IQCM: variants seen among roughly 807,000 people sequenced by gnomAD.
IQCM encodes the protein IQ domain-containing protein M.
In IQCM, 45 loss-of-function variants were observed where a neutral mutation model predicts 57.6. That is an observed-to-expected ratio of 0.78 (90% CI 0.62 to 1.00). IQCM has a LOEUF of 1.00. Among genes scored for constraint, IQCM ranks in the 50% least tolerant of loss-of-function variants. IQCM has a pLI of 0.00. For synonymous variants in IQCM, 148 were observed against 158.9 expected, an observed-to-expected ratio of 0.93 and a Z score of 0.51; for missense variants, 468 against 511.6, an observed-to-expected ratio of 0.91 and a Z score of 0.82.
intron 13 of IQCM, among the ~76,000 whole-genome samples, chr4:149,385,081 C>T (rs1337559886): frequency 6.6e-6 from 1 of 151,952 alleles, no homozygotes; most frequent in East Asian, 1.9e-4. Context: ...TGCCATTTAT[C>T]CTAAAGGACT....
intron 12 of IQCM, among the ~76,000 whole-genome samples, chr4:149,546,968 T>C (rs1748505857): frequency 6.6e-6 from 1 of 152,130 alleles, no homozygotes; most frequent in South Asian, 2.1e-4. Flanking sequence ...AACATTTAAG[T>C]CTTTAATCCA....
chr4:149,697,157 T>A (rs1763402088), intron 5 of IQCM, among the ~76,000 whole-genome samples: 1 of 152,154 alleles, frequency 6.6e-6, no homozygotes, highest in Admixed American at 6.5e-5. Flanking sequence ...ATACATTATC[T>A]AACTTATGCC....
rs1553975358 is a variant in IQCM at position 149,481,696 on chromosome 4, G to GTTTTGTTTTTTTT, written c.1229-48152_1229-48140dup. Among the ~76,000 whole-genome samples, 21 of 33,600 alleles carry GTTTTGTTTTTTTT rather than the reference G, an allele frequency of 6.3e-4. 1 individual carries two copies. The highest frequency in any genetic ancestry group is 1.7e-3 in the African/African-American group (14 of 8,108). The allele number at this position is 33,600 out of a possible 152,430, so 22.0% of individuals were successfully genotyped here. Reference sequence around the variant, plus strand: ...GAAGTCATGTAATGTGATTCTTCCAGTTTTGTTTTTTTTTTTTTTTTTTTT... The same window carrying GTTTTGTTTTTTTT: ...GAAGTCATGTAATGTGATTCTTCCAGTTTTGTTTTTTTTTTTTGTTTTTTTTTTTTTTTTTTTT... On this transcript the variant is annotated intron_variant, in intron 12 of 13. Coordinates refer to ENST00000636793, the MANE Select transcript of IQCM (RefSeq NM_001363507.2).
At chr4:149,510,181 G>C (rs1744255630) in intron 12 of IQCM, among the ~76,000 whole-genome samples, 1 of 151,910 alleles carries the variant, frequency 6.6e-6, no homozygotes, top group Non-Finnish European at 1.5e-5. Flanking sequence ...CAATTTACTG[G>C]GTTAAAAAGC....
chr4:149,611,347 G>C (rs1461614237), intron 8 of IQCM, among the ~76,000 whole-genome samples: 1 of 152,024 alleles, frequency 6.6e-6, no homozygotes, highest in East Asian at 1.9e-4. Flanking sequence ...ATATCCAAAG[G>C]AAAGGAAATC....
At chr4:149,422,414 G>A (rs1406017770) in intron 13 of IQCM, among the ~76,000 whole-genome samples, 1 of 151,848 alleles carries the variant, frequency 6.6e-6, no homozygotes, top group Non-Finnish European at 1.5e-5. Context: ...AAAGCAATAG[G>A]GGGAGCGGGC....
At chr4:149,731,537 A>G (rs187483603) in intron 5 of IQCM, among the ~76,000 whole-genome samples, 1 of 152,200 alleles carries the variant, frequency 6.6e-6, no homozygotes, top group Non-Finnish European at 1.5e-5. Context: ...ACCCCATCCT[A>G]AGGATTTTTG....
At chr4:149,750,092 C>G (rs12640348) in intron 2 of IQCM, among the ~76,000 whole-genome samples, 128,986 of 152,242 alleles carry the variant, frequency 0.85, 54,845 homozygotes, top group East Asian at 0.99. Flanking sequence ...TGTATAACCT[C>G]TCATGAATTT....
chr4:149,541,633 C>T (rs1747861383), intron 12 of IQCM, among the ~76,000 whole-genome samples: 1 of 151,968 alleles, frequency 6.6e-6, no homozygotes, highest in African/African-American at 2.4e-5. Context: ...TTCATGTTTG[C>T]ATATTCTGCA....
At chr4:149,722,451 T>C (rs983525055) in intron 5 of IQCM, among the ~76,000 whole-genome samples, 3 of 152,012 alleles carry the variant, frequency 2.0e-5, no homozygotes, top group East Asian at 1.9e-4. Context: ...CTTTAATCTA[T>C]CTTAATTTTT....
chr4:149,717,713 G>A (rs1765118407), intron 5 of IQCM, among the ~76,000 whole-genome samples: 1 of 152,158 alleles, frequency 6.6e-6, no homozygotes, highest in Admixed American at 6.5e-5. Flanking sequence ...CTTACACAGA[G>A]TATGGCAAAA....
chr4:149,526,473 GTTC>G (rs1248669715), intron 12 of IQCM, among the ~76,000 whole-genome samples: 2 of 151,756 alleles, frequency 1.3e-5, no homozygotes, highest in African/African-American at 4.8e-5. Flanking sequence ...CATCAAAAAA[GTTC>G]TTTTCACTGT....
chr4:149,618,354 A>C (rs1293451938), intron 8 of IQCM, among the ~76,000 whole-genome samples: 1 of 152,210 alleles, frequency 6.6e-6, no homozygotes, highest in Admixed American at 6.5e-5. Flanking sequence ...AGTTAACTCA[A>C]GATGGATTAA....
At chr4:149,776,895 T>C (rs186069454) in intron 2 of IQCM, among the ~76,000 whole-genome samples, 2 of 152,240 alleles carry the variant, frequency 1.3e-5, no homozygotes, top group Admixed American at 1.3e-4. Context: ...ATTGATAAGA[T>C]GCTAGATTTA....
intron 13 of IQCM, among the ~76,000 whole-genome samples, chr4:149,396,311 C>T (rs1732223921): frequency 1.3e-5 from 2 of 151,230 alleles, no homozygotes; most frequent in Admixed American, 6.6e-5. Context: ...AAAATAAGTA[C>T]AGGTATACAT....
chr4:149,468,087 T>C (rs1044721616), intron 12 of IQCM, among the ~76,000 whole-genome samples: 1 of 152,116 alleles, frequency 6.6e-6, no homozygotes, highest in African/African-American at 2.4e-5. Flanking sequence ...ACGCAGAAGA[T>C]GGGTGTTTTC....
At chr4:149,547,126 G>A (rs1214908016) in intron 12 of IQCM, among the ~76,000 whole-genome samples, 2 of 152,058 alleles carry the variant, frequency 1.3e-5, no homozygotes, top group African/African-American at 4.8e-5. Flanking sequence ...AGATCAGATG[G>A]TTGTAGATGT....
rs1384074052 is a variant in IQCM at position 149,778,203 on chromosome 4, CA to C, written c.-48-35465del. Among the ~76,000 whole-genome samples the C allele has an allele frequency of 2.0e-5, 3 of 152,194 alleles. No individual in the cohort carries two copies. The East Asian group carries it at 5.8e-4, about 29-fold the overall frequency. On this transcript the variant is annotated intron_variant, in intron 2 of 13. Transcript: ENST00000636793. The stretch of plus-strand genomic sequence containing the variant: ...CATCCTGGCTAACACGGTGAAACCC[CA>C]TCTCTACTAAAAATACAAAAAATTA...
intron 7 of IQCM, among the ~76,000 whole-genome samples, chr4:149,646,648 T>C (rs2150125346): frequency 6.6e-6 from 1 of 152,316 alleles, no homozygotes; most frequent in African/African-American, 2.4e-5. Flanking sequence ...CTGAAGTTCT[T>C]TGACTTTCAA....
Sources: allele counts gnomAD v4.1 joint callset (sites outside exome capture counted in the v4.1 genomes callset), GRCh38; gene constraint gnomAD v4.1.1; transcripts MANE v1.5; gene names NCBI Gene and HGNC (gene_info 2026-07-23, HGNC 2026-07-21).